Variants in CCDC126 observed in about 807,000 individuals in gnomAD.
CCDC126 encodes the protein coiled-coil domain-containing protein 126.
Under a neutral mutation model 11.7 loss-of-function variants are expected in CCDC126, and 5 were observed. The observed-to-expected ratio is 0.43, with a 90% CI of 0.22 to 0.90. The LOEUF (loss-of-function observed/expected upper bound fraction) is 0.90. Among genes scored for constraint, CCDC126 ranks in the 40% least tolerant of loss-of-function variants. CCDC126 has a pLI of 0.27. For missense variants in CCDC126, 150 were observed against 163.1 expected, an observed-to-expected ratio of 0.92 and a Z score of 0.44; for synonymous variants, 60 against 61.9, an observed-to-expected ratio of 0.97 and a Z score of 0.14.
intron 3 of CCDC126, chr7:23,619,699 T>G (rs991667438): frequency 1.2e-5 from 2 of 162,440 alleles, no homozygotes; most frequent in African/African-American, 4.9e-5. Flanking sequence ...GTCATTTACA[T>G]TAGGTATATC....
At chr7:23,609,528 A>G (rs896272635) in intron 2 of CCDC126, among the ~76,000 whole-genome samples, 6 of 152,156 alleles carry the variant, frequency 3.9e-5, no homozygotes, top group African/African-American at 1.4e-4. Flanking sequence ...GTCCCCAGAC[A>G]GGAGGGGGGT....
At chr7:23,642,458 G>T (rs1201848452) in intron 3 of CCDC126, among the ~76,000 whole-genome samples, 1 of 152,064 alleles carries the variant, frequency 6.6e-6, no homozygotes, top group Non-Finnish European at 1.5e-5. Context: ...CTCTGTAAAT[G>T]ATGTTGTTGA....
intron 3 of CCDC126, among the ~76,000 whole-genome samples, chr7:23,639,295 A>G (rs536608349): frequency 6.6e-5 from 10 of 151,214 alleles, no homozygotes; most frequent in Admixed American, 4.0e-4. Flanking sequence ...AAGTTCAAGC[A>G]GTTCTTCTGC....
intron 3 of CCDC126, among the ~76,000 whole-genome samples, chr7:23,628,716 A>G (rs1316734684): frequency 7.4e-6 from 1 of 135,566 alleles, no homozygotes; most frequent in Non-Finnish European, 1.5e-5. Context: ...GAGAATCAGG[A>G]CTTTACCTCC....
intron 3 of CCDC126, among the ~76,000 whole-genome samples, chr7:23,641,264 T>C (rs942164842): frequency 3.9e-5 from 6 of 152,204 alleles, no homozygotes; most frequent in Admixed American, 1.3e-4. Flanking sequence ...GCCAGTGATA[T>C]TGAACATCTT....
intron 3 of CCDC126, among the ~76,000 whole-genome samples, chr7:23,627,397 T>C (rs774337617): frequency 1.3e-5 from 2 of 151,548 alleles, no homozygotes; most frequent in African/African-American, 2.4e-5. Context: ...CCCAGCACTT[T>C]AGGAGGCCCA....
intron 3 of CCDC126, among the ~76,000 whole-genome samples, chr7:23,620,588 T>A (rs1782875253): frequency 6.6e-6 from 1 of 151,356 alleles, no homozygotes; most frequent in South Asian, 2.1e-4. Context: ...TTTAATTAGA[T>A]CCCATTTGTC....
chr7:23,641,008 T>TTC (rs1434141592), intron 3 of CCDC126, among the ~76,000 whole-genome samples: 3 of 146,696 alleles, frequency 2.0e-5, no homozygotes, highest in Admixed American at 1.3e-4. Flanking sequence ...TTTTTTTTTT[T>TTC]TTTTTTTGGT....
intron 2 of CCDC126, among the ~76,000 whole-genome samples, chr7:23,603,488 A>G (rs1782574296): frequency 6.6e-6 from 1 of 152,236 alleles, no homozygotes; most frequent in Non-Finnish European, 1.5e-5. Flanking sequence ...TAAGGAAGGT[A>G]GTGTGGTGTA....
chr7:23,607,669 A>C (rs995011098), intron 2 of CCDC126, among the ~76,000 whole-genome samples: 1 of 152,124 alleles, frequency 6.6e-6, no homozygotes, highest in Admixed American at 6.6e-5. Flanking sequence ...GGCCCCGGAG[A>C]ATAAAGTAAT....
chr7:23,642,849 T>C, intron 3 of CCDC126, 82 bp from the exon 4 acceptor site: 1 of 1,147,566 alleles, frequency 8.7e-7, no homozygotes, highest in Non-Finnish European at 1.3e-6. Context: ...CCAGTAGTTG[T>C]TCACCTTTTT....
chr7:23,616,444 G>C (rs888265262), intron 3 of CCDC126, among the ~76,000 whole-genome samples: 1 of 152,162 alleles, frequency 6.6e-6, no homozygotes, highest in Non-Finnish European at 1.5e-5. Context: ...AGATCTTCTG[G>C]TAGGTTCCTG....
Position 23,644,102 on chromosome 7 carries a change from GTTAACA to G in CCDC126, c.*991_*996del, listed in dbSNP as rs1356465389. 3 of 152,004 alleles carry G rather than the reference GTTAACA, an allele frequency of 2.0e-5. No homozygotes were observed. The East Asian group carries it at 5.8e-4, about 29-fold the overall frequency. The allele number at this position is 152,004 out of a possible 1,614,324, so 9.4% of individuals were successfully genotyped here. On this transcript the variant is annotated 3_prime_UTR_variant, in exon 4 of 4. Transcript: ENST00000307471. The stretch of plus-strand genomic sequence containing the variant: ...TGCTGCATTAAATTGCTTGGAAAAT[GTTAACA>G]TTATATTATATAAGAGTATCCTTTA...
chr7:23,639,192 CTTTTTTTT>C (rs1245503837), intron 3 of CCDC126, among the ~76,000 whole-genome samples: 1 of 137,178 alleles, frequency 7.3e-6, no homozygotes, highest in Non-Finnish European at 1.6e-5. Context: ...TTTTTTATGT[CTTTTTTTT>C]TTTTTTTTTG....
chr7:23,636,351 C>CT (rs1323152572), intron 3 of CCDC126, among the ~76,000 whole-genome samples: 4 of 150,536 alleles, frequency 2.7e-5, no homozygotes, highest in Non-Finnish European at 5.9e-5. Flanking sequence ...GCCTCTCTGC[C>CT]TGGCTGCCCA....
At chr7:23,610,644 G>C (rs1222746218) in intron 2 of CCDC126, among the ~76,000 whole-genome samples, 4 of 152,282 alleles carry the variant, frequency 2.6e-5, no homozygotes, top group Non-Finnish European at 4.4e-5. Context: ...TGCTTCCTAA[G>C]GTTACCTTAT....
chr7:23,610,885 T>A (rs909402938), intron 2 of CCDC126, among the ~76,000 whole-genome samples: 1 of 152,204 alleles, frequency 6.6e-6, no homozygotes, highest in Non-Finnish European at 1.5e-5. Context: ...CTCATTATAA[T>A]ATCCATGGTT....
At chr7:23,602,474 T>A (rs1270859806) in intron 2 of CCDC126, among the ~76,000 whole-genome samples, 2 of 152,196 alleles carry the variant, frequency 1.3e-5, no homozygotes. Context: ...GGAACTGCCA[T>A]TTTCTTAAGA....
intron 3 of CCDC126, among the ~76,000 whole-genome samples, chr7:23,619,035 A>G (rs191402206): frequency 4.6e-5 from 7 of 152,250 alleles, no homozygotes; most frequent in Admixed American, 1.3e-4. Flanking sequence ...AAGGCTGGGC[A>G]AGGAAGAGTG....
Sources: allele counts gnomAD v4.1 joint callset (sites outside exome capture counted in the v4.1 genomes callset), GRCh38; gene constraint gnomAD v4.1.1; transcripts MANE v1.5; gene names NCBI Gene and HGNC (gene_info 2026-07-23, HGNC 2026-07-21).